ZNF837: variants seen among roughly 807,000 people sequenced by gnomAD.
ZNF837 encodes zinc finger protein 837.
For synonymous variants in ZNF837, 475 were observed against 365.2 expected (o/e 1.30, Z -3.43); for missense variants, 955 against 801.7 (o/e 1.19, Z -2.31).
In ZNF837 at chr19:58,376,613, A is replaced by G. The variant is rs550217421; in HGVS notation, c.-140+4328T>C. Among the ~76,000 whole-genome samples the G allele has an allele frequency of 6.6e-5, 10 of 151,482 alleles. No homozygotes were observed. In the South Asian group the frequency reaches 2.1e-3, roughly 31 times the overall value. ...AAAAGAAAGAAAAGAAAAAAGGAAA[A>G]AAAAAGAGAAAAACAAGTTCTTTTA... On this transcript the variant is annotated intron_variant, in intron 1 of 2. Transcript: ENST00000597582.
chr19:58,375,293 TATATATATATATATATATAA>T lies in ZNF837; in HGVS notation c.-139-5385_-139-5366del, dbSNP rs1409512252. ...AAGTATATATATATATATATATATA[TATATATATATATATATATAA>T]AATTACATATATACTTAAGAGTATA... On this transcript the variant is annotated intron_variant, in intron 1 of 2. Transcript: ENST00000597582. Among the ~76,000 whole-genome samples the T allele has an allele frequency of 8.2e-3, 625 of 76,092 alleles. 34 individuals are homozygous for T. The East Asian group carries it at 0.13, about 15-fold the overall frequency. The allele number at this position is 76,092 out of a possible 152,430, so 49.9% of individuals were successfully genotyped here.
At chr19:58,380,412 G>A (rs1179124904) in intron 1 of ZNF837, among the ~76,000 whole-genome samples, 1 of 152,220 alleles carries the variant, frequency 6.6e-6, no homozygotes, top group Non-Finnish European at 1.5e-5. Context: ...AAGAAGAAAT[G>A]AACAAGAGAC....
Position 58,368,520 on chromosome 19 carries a change from G to C in ZNF837, c.813C>G (p.Tyr271Ter), listed in dbSNP as rs1187891864. The C allele has an allele frequency of 6.5e-7, 1 of 1,545,450 alleles. No homozygotes were observed. The highest frequency in any genetic ancestry group is 8.7e-7 in the Non-Finnish European group (1 of 1,146,336). The change falls in exon 3 of 3, where the codon TAC becomes TAG. Residue 271 changes from tyrosine (Y) to a stop codon, truncating the protein, a stop_gained. Coordinates refer to ENST00000597582, the MANE Select transcript of ZNF837 (RefSeq NM_138466.2). LOFTEE classifies it low-confidence loss of function (END_TRUNC). The stretch of plus-strand genomic sequence containing the variant: ...AGGCCTTGCCGCACTCGTCGCAAGC[G>C]TACAGTCGCTGGGCCGGGGGGTCGG... ...IVPDPPAQRL[Y>*]ACDECGKAFT...
chr19:58,368,448 G>T lies in ZNF837; in HGVS notation c.885C>A (p.Gly295=). The T allele has an allele frequency of 1.3e-6, 2 of 1,566,442 alleles. No homozygotes were observed. The highest frequency in any genetic ancestry group is 1.2e-5 in the South Asian group (1 of 85,640). ...SLLQHQRIHT[G]ERPYECAECG... is the part of the protein sequence containing the mutation. Reference sequence around the variant, plus strand: ...ACTCGGCGCACTCGTAGGGCCGCTCGCCCGTGTGGATGCGCTGGTGCTGCA... The same window carrying T: ...ACTCGGCGCACTCGTAGGGCCGCTCTCCCGTGTGGATGCGCTGGTGCTGCA... Residue 295 remains glycine (G), a synonymous_variant, in exon 3 of 3, where the codon GGC becomes GGA. Transcript: ENST00000597582.
Position 58,367,771 on chromosome 19 carries a change from T to C in ZNF837, c.1562A>G (p.His521Arg). The change falls in exon 3 of 3, where the codon CAC becomes CGC. Residue 521 changes from histidine (H) to arginine (R), a missense_variant. By Grantham distance (29) the His-to-Arg change is conservative. Transcript: ENST00000597582. Reference sequence around the variant, plus strand: ...GGCGCGGCCCCCGTGCCGCTTCCGGTGCTCGTTGAGGTTGGAGCGTTGGCT... The same window carrying C: ...GGCGCGGCCCCCGTGCCGCTTCCGGCGCTCGTTGAGGTTGGAGCGTTGGCT... ...AFSQRSNLNEHRKRHGGRAAP is the reference protein window; with the variant it reads ...AFSQRSNLNERRKRHGGRAAP 6.5e-7 allele frequency: 1 copy of C among 1,534,884 alleles called. No individual in the cohort carries two copies. The highest frequency in any genetic ancestry group is 1.4e-5 in the African/African-American group (1 of 72,952).
intron 1 of ZNF837, among the ~76,000 whole-genome samples, chr19:58,377,882 C>T (rs1376972102): frequency 6.6e-6 from 1 of 152,212 alleles, no homozygotes; most frequent in Non-Finnish European, 1.5e-5. Flanking sequence ...CCAACCACCA[C>T]ACACAGTATC....
At chr19:58,374,952 T>C (rs1444264171) in intron 1 of ZNF837, among the ~76,000 whole-genome samples, 1 of 123,018 alleles carries the variant, frequency 8.1e-6, no homozygotes, top group Non-Finnish European at 1.8e-5. Context: ...AAATTATATA[T>C]ATATATACAC....
chr19:58,367,838 C>CTACG lies in ZNF837; in HGVS notation c.1494_1495insCGTA (p.Gly499ArgfsTer65), dbSNP rs1258518560. 2 of 1,535,840 alleles carry CTACG rather than the reference C, an allele frequency of 1.3e-6. No individual in the cohort carries two copies. The highest frequency in any genetic ancestry group is 1.7e-6 in the Non-Finnish European group (2 of 1,144,824). ...TCTCCGCACGCGTAGGGCCGCTCGCCCGTGTGCGTGCGCAGGTGGCGCACC... is the reference window on the plus strand; with the variant it reads ...TCTCCGCACGCGTAGGGCCGCTCGCCTACGCGTGTGCGTGCGCAGGTGGCGCACC... On this transcript the variant is annotated frameshift_variant, in exon 3 of 3. Transcript: ENST00000597582. LOFTEE classifies it low-confidence loss of function (END_TRUNC).
chr19:58,367,958 A>C lies in ZNF837; in HGVS notation c.1375T>G (p.Cys459Gly). The C allele has an allele frequency of 6.5e-7, 1 of 1,532,710 alleles. No homozygotes were observed. Among genetic ancestry groups the C allele is most frequent in the South Asian group, 1.2e-5 (1 of 83,808 alleles). 94.9% of individuals were successfully genotyped at this position (1,532,710 alleles called of 1,614,324 possible). A position where few individuals can be genotyped will look rare whatever the true frequency, so the allele number is the denominator to read the frequency against. ...CGCTCGTGCTGGCGCAGCTCGGAGCAGCCGCGGAAGGTCTTTCCGCACTCG... is the reference window on the plus strand; with the variant it reads ...CGCTCGTGCTGGCGCAGCTCGGAGCCGCCGCGGAAGGTCTTTCCGCACTCG... ...CSECGKTFRGCSELRQHERLH... is the reference protein window; with the variant it reads ...CSECGKTFRGGSELRQHERLH... Residue 459 changes from cysteine to glycine, a missense_variant, in exon 3 of 3, where the codon TGC (cysteine) becomes GGC (glycine). By Grantham distance (159) the Cys-to-Gly change is radical (BLOSUM62 -3). Transcript: ENST00000597582.
At chr19:58,369,464 G>A (rs1192673295) in intron 2 of ZNF837, 103 bp from the exon 3 acceptor site, 16 of 1,006,238 alleles carry the variant, frequency 1.6e-5, no homozygotes, top group Non-Finnish European at 2.1e-5. Flanking sequence ...CTACTGGGCG[G>A]CCCCCAGCTC....
At chr19:58,370,854 C>T (rs2052193906) in intron 1 of ZNF837, among the ~76,000 whole-genome samples, 1 of 150,700 alleles carries the variant, frequency 6.6e-6, no homozygotes, top group Admixed American at 6.6e-5. Flanking sequence ...GAGATCGCAC[C>T]ATTGCACTCC....
At position 58,367,764 on chromosome 19, in the gene ZNF837, CTTCCGGT is replaced by C; in HGVS notation, c.1562_1568del (p.His521ArgfsTer?). 1 of 1,534,250 alleles carries C rather than the reference CTTCCGGT, an allele frequency of 6.5e-7. No homozygotes were observed. Among genetic ancestry groups the C allele is most frequent in the Non-Finnish European group, 8.7e-7 (1 of 1,145,360 alleles). ...AAGGCGCGGCGCGGCCCCCGTGCCG[CTTCCGGT>C]GCTCGTTGAGGTTGGAGCGTTGGCT... is the stretch of plus-strand genomic sequence containing the variant. On this transcript the variant is annotated frameshift_variant, in exon 3 of 3. Transcript: ENST00000597582. LOFTEE classifies it low-confidence loss of function (END_TRUNC).
intron 1 of ZNF837, among the ~76,000 whole-genome samples, chr19:58,374,815 T>C (rs1264046576): frequency 6.6e-6 from 1 of 151,434 alleles, no homozygotes; most frequent in African/African-American, 2.4e-5. Flanking sequence ...ATTCCTGTAG[T>C]CCCAGCTACT....
At chr19:58,374,365 A>G (rs1211336303) in intron 1 of ZNF837, among the ~76,000 whole-genome samples, 1 of 152,252 alleles carries the variant, frequency 6.6e-6, no homozygotes, top group Non-Finnish European at 1.5e-5. Flanking sequence ...ATAAAAATGG[A>G]TGAGTACTAA....
chr19:58,375,383 A>G (rs2052236727), intron 1 of ZNF837, among the ~76,000 whole-genome samples: 1 of 147,800 alleles, frequency 6.8e-6, no homozygotes, highest in Non-Finnish European at 1.5e-5. Context: ...TATATATACT[A>G]AAACCCAACC....
chr19:58,370,557 A>C (rs966486678), intron 1 of ZNF837, among the ~76,000 whole-genome samples: 2 of 152,244 alleles, frequency 1.3e-5, no homozygotes, highest in African/African-American at 4.8e-5. Flanking sequence ...ACACACGTGC[A>C]TATATAAATA....
chr19:58,369,578 C>T (rs1246071653), intron 2 of ZNF837: 5 of 379,404 alleles, frequency 1.3e-5, no homozygotes, highest in African/African-American at 4.1e-5. Context: ...CAGGCTCTGC[C>T]TGCCCGCCAT....
Position 58,368,737 on chromosome 19 carries a change from G to A in ZNF837, c.596C>T (p.Ala199Val), listed in dbSNP as rs534302562. 78 of 1,538,068 alleles carry A rather than the reference G, an allele frequency of 5.1e-5. No homozygotes were observed. In the African/African-American group the frequency reaches 7.5e-4, roughly 15 times the overall value. ...CGCAAAGGCCTCGCCGCACGCGCAA[G>A]CCCGGGGCTGCTCCACCAAGGGGTT... The part of the protein sequence containing the change: ...GRNPLVEQPR[A>V]CACGEAFAWR... Residue 199 changes from alanine (A) to valine (V), a missense_variant, in exon 3 of 3, where the codon GCT (alanine) becomes GTT (valine). Physicochemically the swap from Ala to Val is moderately conservative, Grantham distance 64. Coordinates refer to ENST00000597582, the MANE Select transcript of ZNF837 (RefSeq NM_138466.2).
chr19:58,376,554 CAAAAA>C (rs59075587), intron 1 of ZNF837, among the ~76,000 whole-genome samples: 1 of 67,768 alleles, frequency 1.5e-5, no homozygotes. Flanking sequence ...GACTCTGTCT[CAAAAA>C]AAAAAAAAAA....
Sources: gnomAD v4.1 joint callset for allele counts (sites outside exome capture counted in the v4.1 genomes callset) on GRCh38, gnomAD v4.1.1 for gene constraint, MANE v1.5 for transcripts, NCBI Gene and HGNC (gene_info 2026-07-23, HGNC 2026-07-21) for gene names.